Variants in ADCYAP1 observed in about 807,000 individuals in gnomAD.
The protein encoded by ADCYAP1 is adenylate cyclase activating polypeptide 1, also known as pituitary adenylate cyclase-activating polypeptide.
A neutral mutation model predicts 18.5 loss-of-function variants in ADCYAP1; 6 were observed. That is an observed-to-expected ratio of 0.32 (90% CI 0.18 to 0.64). The LOEUF (loss-of-function observed/expected upper bound fraction) is 0.64. ADCYAP1 is among the 30% of genes least tolerant of loss of function. ADCYAP1 has a pLI of 0.77. For missense variants in ADCYAP1, 314 were observed against 253.6 expected, an observed-to-expected ratio of 1.24 and a Z score of -1.62; for synonymous variants, 136 against 113.9, an observed-to-expected ratio of 1.19 and a Z score of -1.24.
At chr18:906,829 C>G (rs927512545) in intron 2 of ADCYAP1, among the ~76,000 whole-genome samples, 3 of 152,244 alleles carry the variant, frequency 2.0e-5, no homozygotes, top group African/African-American at 7.2e-5. Flanking sequence ...GCGAAGTCGC[C>G]AGGCACTCGC....
intron 1 of ADCYAP1, 119 bp from the exon 2 acceptor site, chr18:905,267 A>G (rs1191973931): frequency 2.6e-6 from 4 of 1,512,220 alleles, no homozygotes; most frequent in African/African-American, 2.8e-5. Flanking sequence ...GTGCTGTTCA[A>G]CTCAGGGAGC....
chr18:904,891 C>G lies in ADCYAP1; in HGVS notation c.-171C>G, dbSNP rs1016709817. ...TGAGCAGAACACGAGCCTCGGCAAA[C>G]GAGTCCCGCAGCTCCTCCTGCTGCT... On this transcript the variant is annotated 5_prime_UTR_variant, in exon 1 of 5. Coordinates refer to ENST00000450565, the MANE Select transcript of ADCYAP1 (RefSeq NM_001099733.2). The G allele has an allele frequency of 9.3e-6, 12 of 1,288,496 alleles. No homozygotes were observed. The Admixed American group carries it at 2.1e-4, about 22-fold the overall frequency. 79.8% of individuals were successfully genotyped at this position (1,288,496 alleles called of 1,614,324 possible).
upstream of ADCYAP1, chr18:904,661 C>A (rs1222836143): frequency 8.2e-7 from 1 of 1,222,950 alleles, no homozygotes; most frequent in African/African-American, 1.6e-5. Flanking sequence ...GCTAGCCGCC[C>A]GCCCTCTCCC....
rs35018620 is a variant in ADCYAP1, at chr18:909,873, AATATATATAT to A, written c.*262_*271del. On this transcript the variant is annotated 3_prime_UTR_variant, in exon 5 of 5. Coordinates refer to ENST00000450565, the MANE Select transcript of ADCYAP1 (RefSeq NM_001099733.2). ...ATATATATTATAAATATATATAAAGAATATATATATATATATATATATATATATATATAAA... is the reference window on the plus strand; with the variant it reads ...ATATATATTATAAATATATATAAAGAATATATATATATATATATATATAAA... 0.15 allele frequency: 20,802 copies of A among 143,340 alleles called. 1,611 individuals are homozygous for A. The highest frequency in any genetic ancestry group is 0.25 in the Middle Eastern group (70 of 276). 8.9% of individuals were successfully genotyped at this position (143,340 alleles called of 1,614,324 possible). A position where few individuals can be genotyped will look rare whatever the true frequency, so the allele number is the denominator to read the frequency against.
chr18:904,918 C>G lies in ADCYAP1; in HGVS notation c.-144C>G. On this transcript the variant is annotated 5_prime_UTR_variant, in exon 1 of 5. Coordinates refer to ENST00000450565, the MANE Select transcript of ADCYAP1 (RefSeq NM_001099733.2). ...AGTCCCGCAGCTCCTCCTGCTGCTCCCGCTGGTTCCTGCGGCTTCTGCTCA... is the reference window on the plus strand; with the variant it reads ...AGTCCCGCAGCTCCTCCTGCTGCTCGCGCTGGTTCCTGCGGCTTCTGCTCA... 2 of 1,289,932 alleles carry G rather than the reference C, an allele frequency of 1.6e-6. No individual in the cohort carries two copies. Among genetic ancestry groups the G allele is most frequent in the Non-Finnish European group, 2.0e-6 (2 of 989,202 alleles). 79.9% of individuals were successfully genotyped at this position (1,289,932 alleles called of 1,614,324 possible).
intron 2 of ADCYAP1, among the ~76,000 whole-genome samples, chr18:906,893 G>A (rs920114912): frequency 6.6e-6 from 1 of 152,188 alleles, no homozygotes; most frequent in African/African-American, 2.4e-5. Flanking sequence ...CACCGCCATC[G>A]ATAACAGATC....
chr18:909,422 T>C, intron 4 of ADCYAP1, 24 bp from the exon 5 acceptor site: 1 of 1,600,764 alleles, frequency 6.2e-7, no homozygotes, highest in Non-Finnish European at 8.5e-7. Flanking sequence ...CCCGCCACCC[T>C]CTTCCCGACC....
chr18:908,207 A>G (rs1010343271), intron 3 of ADCYAP1, 58 bp from the exon 4 acceptor site: 28 of 1,488,336 alleles, frequency 1.9e-5, no homozygotes, highest in Non-Finnish European at 2.5e-5. Flanking sequence ...GGGGGTCTCT[A>G]GCGGCCACCT....
rs1004711619 is a variant in ADCYAP1 at position 911,419 on chromosome 18, A to G, written c.*1784A>G. 2.1e-4 allele frequency: 30 copies of G among 143,124 alleles called. 1 individual carries two copies. Among genetic ancestry groups the G allele is most frequent in the African/African-American group, 7.5e-4 (30 of 40,226 alleles). The allele number at this position is 143,124 out of a possible 1,614,324, so 8.9% of individuals were successfully genotyped here. A position where few individuals can be genotyped will look rare whatever the true frequency, so the allele number is the denominator to read the frequency against. On this transcript the variant is annotated 3_prime_UTR_variant, in exon 5 of 5. Coordinates refer to ENST00000450565, the MANE Select transcript of ADCYAP1 (RefSeq NM_001099733.2). ...TGAAAAAAGAAGATGAAGAAGAAGAAAAAAAAAAGAACAAGGAAAGATTAA... is the reference window on the plus strand; with the variant it reads ...TGAAAAAAGAAGATGAAGAAGAAGAGAAAAAAAAGAACAAGGAAAGATTAA...
Position 905,493 on chromosome 18 carries a change from T to C in ADCYAP1, c.107T>C (p.Ile36Thr). The C allele has an allele frequency of 6.2e-7, 1 of 1,606,288 alleles. No individual in the cohort carries two copies. Among genetic ancestry groups the C allele is most frequent in the Non-Finnish European group, 8.5e-7 (1 of 1,179,958 alleles). The change falls in exon 2 of 5, where the codon ATC becomes ACC. Residue 36 changes from isoleucine (I) to threonine (T), a missense_variant. Ile to Thr is a moderately conservative substitution (Grantham distance 89). Coordinates refer to ENST00000450565, the MANE Select transcript of ADCYAP1 (RefSeq NM_001099733.2). ...GCCGCCGGACTCCGGTTCCCCGGGA[T>C]CAGGTAGGTGCTGGCTGCCTGGCCC... ...PAAAGLRFPG[I>T]RPEEEAYGED... is the part of the protein sequence containing the mutation.
intron 2 of ADCYAP1, 77 bp downstream of exon 2, chr18:905,573 C>A: frequency 1.3e-6 from 2 of 1,532,394 alleles, no homozygotes; most frequent in Non-Finnish European, 1.8e-6. Flanking sequence ...CTCCTTCCTG[C>A]AGTCCTTTGG....
At position 910,560 on chromosome 18, in the gene ADCYAP1, A is replaced by G. The variant is rs115067101; in HGVS notation, c.*925A>G. 250 of 152,400 alleles carry G rather than the reference A, an allele frequency of 1.6e-3. No individual in the cohort carries two copies. Among genetic ancestry groups the G allele is most frequent in the African/African-American group, 5.8e-3 (243 of 41,586 alleles). The allele number at this position is 152,400 out of a possible 1,614,324, so 9.4% of individuals were successfully genotyped here. The stretch of plus-strand genomic sequence containing the variant: ...TGGAAGAGGCAGAGCCTGAGGTGGT[A>G]GGAGGAGGACCCTGGAAATGGACTG... On this transcript the variant is annotated 3_prime_UTR_variant, in exon 5 of 5. Transcript: ENST00000450565.
chr18:905,423 G>GA lies in ADCYAP1; in HGVS notation c.37_38insA (p.Val13AspfsTer77). On this transcript the variant is annotated frameshift_variant, in exon 2 of 5. Transcript: ENST00000450565. LOFTEE classifies it high-confidence loss of function. ...TAGCGGAGCGAGGCTGGCCCTGCTG[G>GA]TCTATGGGATAATCATGCACAGCAG... 1 of 1,612,932 alleles carries GA rather than the reference G, an allele frequency of 6.2e-7. No individual in the cohort carries two copies. Among genetic ancestry groups the GA allele is most frequent in the Non-Finnish European group, 8.5e-7 (1 of 1,180,020 alleles).
In ADCYAP1 at chr18:911,899, C is replaced by T. The variant is rs538328852; in HGVS notation, c.*2264C>T. The T allele has an allele frequency of 5.3e-5, 8 of 152,210 alleles. No individual in the cohort carries two copies. In the East Asian group the frequency reaches 1.4e-3, roughly 26 times the overall value. 9.4% of individuals were successfully genotyped at this position (152,210 alleles called of 1,614,324 possible). On this transcript the variant is annotated 3_prime_UTR_variant, in exon 5 of 5. Transcript: ENST00000450565. ...TTTATGAAGTCTAATTTAGTGTTCC[C>T]GTGGCTAGTTGCAAGCATTTTACAG... is the stretch of plus-strand genomic sequence containing the variant.
chr18:905,180 G>A (rs1163391386), intron 1 of ADCYAP1, 120 bp downstream of exon 1: 4 of 1,415,396 alleles, frequency 2.8e-6, no homozygotes, highest in Admixed American at 5.8e-5. Flanking sequence ...ATTGGGCGCC[G>A]GGTAGATGCA....
At chr18:905,111 T>A (rs1293135190) in intron 1 of ADCYAP1, 51 bp downstream of exon 1, 1 of 1,353,670 alleles carries the variant, frequency 7.4e-7, no homozygotes, top group Non-Finnish European at 9.6e-7. Flanking sequence ...GACTGCTGAT[T>A]CTTTCGCTTG....
At position 905,698 on chromosome 18, in the gene ADCYAP1, C is replaced by T. The variant is rs115577493; in HGVS notation, c.110+202C>T. 9.7e-3 allele frequency: 6,238 copies of T among 643,352 alleles called. 289 individuals are homozygous for T. The African/African-American group carries it at 0.1, about 10-fold the overall frequency. The allele number at this position is 643,352 out of a possible 1,614,324, so 39.9% of individuals were successfully genotyped here. On this transcript the variant is annotated intron_variant, in intron 2 of 4. Coordinates refer to ENST00000450565, the MANE Select transcript of ADCYAP1 (RefSeq NM_001099733.2). ...GGCAGGCTCCGCGACTGCTCGGACG[C>T]CTCCCCCAGCCCTAGGCAGCTCAGG... is the stretch of plus-strand genomic sequence containing the variant.
At position 909,310 on chromosome 18, in the gene ADCYAP1, G is replaced by C. The variant is rs1335373302; in HGVS notation, c.342-136G>C. The stretch of plus-strand genomic sequence containing the variant: ...CCCACGGCTGCTTCCAGGCAGAGGC[G>C]GGCGACGCGGTGGGCAGTGCGAGCC... On this transcript the variant is annotated intron_variant, in intron 4 of 4. Coordinates refer to ENST00000450565, the MANE Select transcript of ADCYAP1 (RefSeq NM_001099733.2). 30 of 801,754 alleles carry C rather than the reference G, an allele frequency of 3.7e-5. No homozygotes were observed. The South Asian group carries it at 5.4e-4, about 14-fold the overall frequency. The allele number at this position is 801,754 out of a possible 1,614,324, so 49.7% of individuals were successfully genotyped here. A position where few individuals can be genotyped will look rare whatever the true frequency, so the allele number is the denominator to read the frequency against.
upstream of ADCYAP1, chr18:904,744 AC>A (rs1338676350): frequency 3.0e-5 from 38 of 1,249,986 alleles, no homozygotes; most frequent in Admixed American, 9.5e-4. Context: ...GGGTGGACTT[AC>A]GGCCACCTTG....
Sources: gnomAD v4.1 joint callset for allele counts (sites outside exome capture counted in the v4.1 genomes callset) on GRCh38, gnomAD v4.1.1 for gene constraint, MANE v1.5 for transcripts, NCBI Gene and HGNC (gene_info 2026-07-23, HGNC 2026-07-21) for gene names.